Variants in ADARB2 observed in about 807,000 individuals in gnomAD.
The protein encoded by ADARB2 is inactive double-stranded RNA-specific editase B2.
In ADARB2, 25 loss-of-function variants were observed where a neutral mutation model predicts 62.2. That is an observed-to-expected ratio of 0.40 (90% confidence interval 0.29 to 0.56). The LOEUF (loss-of-function observed/expected upper bound fraction) is 0.56. Among genes scored for constraint, ADARB2 ranks in the 20% least tolerant of loss-of-function variants. ADARB2 has a pLI of 0.43. For synonymous variants in ADARB2, 572 were observed against 500.8 expected, an observed-to-expected ratio of 1.14 and a Z score of -1.90; for missense variants, 1,071 against 1,077.4, an observed-to-expected ratio of 0.99 and a Z score of 0.08.
chr10:1,386,962 G>T (rs1039723175), intron 1 of ADARB2, among the ~76,000 whole-genome samples: 1 of 151,860 alleles, frequency 6.6e-6, no homozygotes, highest in East Asian at 1.9e-4. Context: ...GTAACAAAAA[G>T]ATATATGGAA....
intron 1 of ADARB2, among the ~76,000 whole-genome samples, chr10:1,457,968 C>T (rs550476085): frequency 2.0e-5 from 3 of 151,434 alleles, no homozygotes; most frequent in East Asian, 3.9e-4. Flanking sequence ...CCTCCAAGAA[C>T]GTAACCATTT....
chr10:1,691,821 T>C (rs535473512), intron 1 of ADARB2, among the ~76,000 whole-genome samples: 1 of 152,252 alleles, frequency 6.6e-6, no homozygotes, highest in African/African-American at 2.4e-5. Context: ...TCCACTTCTG[T>C]CCCCTCCAGA....
At chr10:1,685,935 G>T (rs79840742) in intron 1 of ADARB2, among the ~76,000 whole-genome samples, 1 of 152,198 alleles carries the variant, frequency 6.6e-6, no homozygotes, top group African/African-American at 2.4e-5. Context: ...GGACGGATGG[G>T]CTGCAATGTG....
At chr10:1,369,975 T>G (rs1231967313) in intron 2 of ADARB2, among the ~76,000 whole-genome samples, 2 of 152,204 alleles carry the variant, frequency 1.3e-5, no homozygotes, top group Non-Finnish European at 2.9e-5. Flanking sequence ...GGTTCACAAA[T>G]GGAACCTACC....
At chr10:1,250,852 G>A (rs534780812) in intron 4 of ADARB2, among the ~76,000 whole-genome samples, 1 of 152,304 alleles carries the variant, frequency 6.6e-6, no homozygotes, top group East Asian at 1.9e-4. Flanking sequence ...GCAGGTTATA[G>A]AGGCTCCATG....
At chr10:1,641,971 C>T (rs918935049) in intron 1 of ADARB2, among the ~76,000 whole-genome samples, 2 of 152,048 alleles carry the variant, frequency 1.3e-5, no homozygotes, top group Admixed American at 1.3e-4. Context: ...CGAGATGGTG[C>T]CACTGCACTC....
In ADARB2 at chr10:1,419,820, G is replaced by A. The variant is rs78696029; in HGVS notation, c.101-40660C>T. Among the ~76,000 whole-genome samples the A allele has an allele frequency of 2.4e-4, 36 of 152,302 alleles. No individual in the cohort carries two copies. The East Asian group carries it at 5.2e-3, about 22-fold the overall frequency. ...TTTTCACATCACATCGGAGGGATTCGTTAGCTCTCACATCTCTGCATATGT... is the reference window on the plus strand; with the variant it reads ...TTTTCACATCACATCGGAGGGATTCATTAGCTCTCACATCTCTGCATATGT... On this transcript the variant is annotated intron_variant, in intron 1 of 9. Coordinates refer to ENST00000381312, the MANE Select transcript of ADARB2 (RefSeq NM_018702.4).
chr10:1,193,098 C>T lies in ADARB2; in HGVS notation c.1864+6868G>A, dbSNP rs887925612. Among the ~76,000 whole-genome samples, 7 of 152,284 alleles carry T rather than the reference C, an allele frequency of 4.6e-5. 1 individual carries two copies. The highest frequency in any genetic ancestry group is 3.9e-4 in the East Asian group (2 of 5,178). On this transcript the variant is annotated intron_variant, in intron 8 of 9. Transcript: ENST00000381312. Reference sequence around the variant, plus strand: ...AGGCAGGCATCTGCAGGGTGTGGAACGGGCCACGCTGGCTGCACCGTCTGT... The same window carrying T: ...AGGCAGGCATCTGCAGGGTGTGGAATGGGCCACGCTGGCTGCACCGTCTGT...
chr10:1,429,830 TCCTCTTCTCTTTC>T (rs943095289), intron 1 of ADARB2, among the ~76,000 whole-genome samples: 1 of 152,172 alleles, frequency 6.6e-6, no homozygotes, highest in African/African-American at 2.4e-5. Flanking sequence ...TTTTTGCTTT[TCCTCTTCTCTTTC>T]CCTCCTCTCT....
chr10:1,588,500 C>A (rs984962652), intron 1 of ADARB2, among the ~76,000 whole-genome samples: 1 of 152,302 alleles, frequency 6.6e-6, no homozygotes, highest in South Asian at 2.1e-4. Context: ...GTAGGCCAGA[C>A]GGTGCTGCTG....
intron 1 of ADARB2, among the ~76,000 whole-genome samples, chr10:1,603,878 C>T (rs977970036): frequency 2.0e-5 from 3 of 152,240 alleles, no homozygotes; most frequent in Non-Finnish European, 2.9e-5. Flanking sequence ...TCTCAGCTCA[C>T]TGCAACCTCT....
intron 1 of ADARB2, among the ~76,000 whole-genome samples, chr10:1,496,199 A>G (rs755218846): frequency 1.3e-5 from 2 of 152,014 alleles, no homozygotes; most frequent in Non-Finnish European, 2.9e-5. Flanking sequence ...CATCACCATA[A>G]TAAGTATCAA....
In ADARB2 at chr10:1,544,914, G is replaced by A. The variant is rs1485011216; in HGVS notation, c.101-165754C>T. ...CATTATATATAAAGTCTACATATTA[G>A]GTAAAGTCTATATAATATGTGAAGT... On this transcript the variant is annotated intron_variant, in intron 1 of 9. Transcript: ENST00000381312. 1.4e-4 allele frequency among the ~76,000 whole-genome samples: 19 copies of A among 135,256 alleles called. No homozygotes were observed. The Admixed American group carries it at 1.5e-3, about 10-fold the overall frequency. The allele number at this position is 135,256 out of a possible 152,430, so 88.7% of individuals were successfully genotyped here. A position where few individuals can be genotyped will look rare whatever the true frequency, so the allele number is the denominator to read the frequency against.
intron 1 of ADARB2, among the ~76,000 whole-genome samples, chr10:1,552,080 A>T (rs1169985736): frequency 6.6e-6 from 1 of 152,088 alleles, no homozygotes; most frequent in African/African-American, 2.4e-5. Flanking sequence ...CGATCACAGA[A>T]CCATACAGTC....
rs560254181 is a variant in ADARB2 at position 1,184,439 on chromosome 10, C to T, written c.2043+422G>A. On this transcript the variant is annotated intron_variant, in intron 9 of 9. Transcript: ENST00000381312. ...TGGGCTTTGGGGTTGGGGAGAAATT[C>T]GAATTCTGAAATTCATTACCTGTGA... Among the ~76,000 whole-genome samples the T allele has an allele frequency of 2.4e-4, 37 of 152,228 alleles. 1 individual carries two copies. The East Asian group carries it at 3.5e-3, about 14-fold the overall frequency.
In ADARB2 at chr10:1,573,037, C is replaced by A. The variant is rs370766977; in HGVS notation, c.100+164014G>T. ...TGTGAGAGGGTTGGCTTCAGCAGCC[C>A]AGGCTCCTGCAGGCCAGCGAGCTCT... On this transcript the variant is annotated intron_variant, in intron 1 of 9. Coordinates refer to ENST00000381312, the MANE Select transcript of ADARB2 (RefSeq NM_018702.4). 8.3e-4 allele frequency among the ~76,000 whole-genome samples: 126 copies of A among 152,374 alleles called. 3 individuals carry two copies. The South Asian group carries it at 0.01, about 13-fold the overall frequency.
chr10:1,278,403 G>A (rs1831339563), intron 3 of ADARB2, among the ~76,000 whole-genome samples: 1 of 151,702 alleles, frequency 6.6e-6, no homozygotes, highest in Non-Finnish European at 1.5e-5. Flanking sequence ...ACAGTACTTG[G>A]TAGTTAGTTT....
chr10:1,459,777 T>C (rs1831144247), intron 1 of ADARB2, among the ~76,000 whole-genome samples: 1 of 152,002 alleles, frequency 6.6e-6, no homozygotes, highest in African/African-American at 2.4e-5. Flanking sequence ...AAAAGAATGA[T>C]GAAGCCACAT....
rs1305072740 is a variant in ADARB2, at chr10:1,200,089, G to A, written c.1741C>T (p.Leu581=). ...AGGCTGCCCACCACGATGCTCTGCAGGTACACGGGCTCCACGAAGTGGGAC... is the reference window on the plus strand; with the variant it reads ...AGGCTGCCCACCACGATGCTCTGCAAGTACACGGGCTCCACGAAGTGGGAC... ...LLSHFVEPVY[L]QSIVVGSLHH... The change falls in exon 8 of 10, where the codon CTG becomes TTG. Residue 581 remains leucine (L), a synonymous_variant. Transcript: ENST00000381312. The A allele has an allele frequency of 4.5e-6, 7 of 1,570,122 alleles. No individual in the cohort carries two copies. Among genetic ancestry groups the A allele is most frequent in the Non-Finnish European group, 6.0e-6 (7 of 1,159,634 alleles).
Sources: gnomAD v4.1 joint callset for allele counts (sites outside exome capture counted in the v4.1 genomes callset) on GRCh38, gnomAD v4.1.1 for gene constraint, MANE v1.5 for transcripts, NCBI Gene and HGNC (gene_info 2026-07-23, HGNC 2026-07-21) for gene names.